ARHGAP42: variants seen among roughly 807,000 people sequenced by gnomAD.
ARHGAP42 encodes the protein rho GTPase-activating protein 42.
A neutral mutation model predicts 125.0 loss-of-function variants in ARHGAP42; 63 were observed. The ratio of observed to expected loss-of-function variants is 0.50; its 90% CI spans 0.41 to 0.62. The LOEUF (loss-of-function observed/expected upper bound fraction) is 0.62. Ranked by LOEUF, ARHGAP42 falls within the 20% of genes least tolerant of loss-of-function variation. ARHGAP42 has a pLI of 0.00. For synonymous variants in ARHGAP42, 339 were observed against 351.0 expected, an observed-to-expected ratio of 0.97 and a Z score of 0.38; for missense variants, 766 against 1,024.2, an observed-to-expected ratio of 0.75 and a Z score of 3.44.
chr11:100,962,833 G>A (rs530283270), intron 16 of ARHGAP42, among the ~76,000 whole-genome samples: 25 of 152,128 alleles, frequency 1.6e-4, no homozygotes, highest in Non-Finnish European at 3.1e-4. Context: ...TCGAGATCGC[G>A]CCATTGCACT....
intron 1 of ARHGAP42, among the ~76,000 whole-genome samples, chr11:100,766,387 A>C (rs1484633881): frequency 6.6e-6 from 1 of 152,184 alleles, no homozygotes; most frequent in Non-Finnish European, 1.5e-5. Context: ...TAAGAGAAAA[A>C]GTTGACTCTT....
chr11:100,954,296 C>T (rs1329295460), intron 12 of ARHGAP42, among the ~76,000 whole-genome samples: 1 of 152,198 alleles, frequency 6.6e-6, no homozygotes, highest in African/African-American at 2.4e-5. Flanking sequence ...ACCTACTCTA[C>T]TCCAGGTACT....
At position 100,990,064 on chromosome 11, in the gene ARHGAP42, T is replaced by C. The variant is rs1192032863; in HGVS notation, c.*1263T>C. 6.6e-6 allele frequency: 1 copy of C among 152,210 alleles called. No homozygotes were observed. The highest frequency in any genetic ancestry group is 2.4e-5 in the African/African-American group (1 of 41,460). 9.4% of individuals were successfully genotyped at this position (152,210 alleles called of 1,614,324 possible). On this transcript the variant is annotated 3_prime_UTR_variant, in exon 24 of 24. Transcript: ENST00000298815. ...TAGGTATTTACTGTCCACTTATATA[T>C]ATCAGCATCTGGTCATGCACGAACC... is the stretch of plus-strand genomic sequence containing the variant.
At chr11:100,750,300 T>G (rs1862414604) in intron 1 of ARHGAP42, among the ~76,000 whole-genome samples, 1 of 152,218 alleles carries the variant, frequency 6.6e-6, no homozygotes. Flanking sequence ...TTATTCCTGA[T>G]GCACGTGGCC....
intron 1 of ARHGAP42, among the ~76,000 whole-genome samples, chr11:100,718,844 A>G (rs1169931536): frequency 6.6e-6 from 1 of 152,174 alleles, no homozygotes; most frequent in Non-Finnish European, 1.5e-5. Flanking sequence ...TGTTTATGTA[A>G]TGGTTCAGTA....
At chr11:100,894,811 T>C (rs1441709660) in intron 4 of ARHGAP42, among the ~76,000 whole-genome samples, 1 of 152,176 alleles carries the variant, frequency 6.6e-6, no homozygotes, top group Admixed American at 6.5e-5. Flanking sequence ...AGTGCTAAGA[T>C]AGCTGTTGAA....
At chr11:100,826,033 G>A (rs1477664818) in intron 3 of ARHGAP42, among the ~76,000 whole-genome samples, 1 of 152,008 alleles carries the variant, frequency 6.6e-6, no homozygotes, top group South Asian at 2.1e-4. Context: ...GTGGGTAGAC[G>A]AGTTATTATT....
chr11:100,908,310 A>G (rs1290823149), intron 4 of ARHGAP42, among the ~76,000 whole-genome samples: 1 of 152,170 alleles, frequency 6.6e-6, no homozygotes. Context: ...CTCTTTTAAA[A>G]CAATAGTGTG....
intron 23 of ARHGAP42, among the ~76,000 whole-genome samples, chr11:100,988,351 A>G (rs1184228497): frequency 6.6e-6 from 1 of 152,184 alleles, no homozygotes; most frequent in Non-Finnish European, 1.5e-5. Context: ...TTTTGCATGC[A>G]CACTTTAACC....
intron 2 of ARHGAP42, among the ~76,000 whole-genome samples, chr11:100,777,749 T>A (rs1863165515): frequency 6.6e-6 from 1 of 152,218 alleles, no homozygotes; most frequent in Non-Finnish European, 1.5e-5. Flanking sequence ...AAAGACCTAT[T>A]TTCTTTTTTG....
At chr11:100,876,961 G>C (rs916264505) in intron 4 of ARHGAP42, among the ~76,000 whole-genome samples, 1 of 152,190 alleles carries the variant, frequency 6.6e-6, no homozygotes, top group Non-Finnish European at 1.5e-5. Context: ...GAGTTGGAGA[G>C]ATGACCTCTA....
In ARHGAP42 at chr11:100,875,129, G is replaced by A. The variant is rs1227387311; in HGVS notation, c.384+15504G>A. On this transcript the variant is annotated intron_variant, in intron 4 of 23. Transcript: ENST00000298815. ...TCTCTGTGTGTGTGTGTGTGTGTGT[G>A]TGTGTGTGTGTGTGTGTGTGTGTGG... Among the ~76,000 whole-genome samples the A allele has an allele frequency of 3.3e-5, 4 of 121,674 alleles. No homozygotes were observed. The South Asian group carries it at 6.9e-4, about 21-fold the overall frequency. The allele number at this position is 121,674 out of a possible 152,430, so 79.8% of individuals were successfully genotyped here. A position where few individuals can be genotyped will look rare whatever the true frequency, so the allele number is the denominator to read the frequency against.
intron 3 of ARHGAP42, among the ~76,000 whole-genome samples, chr11:100,846,239 C>A (rs976751658): frequency 3.3e-5 from 5 of 152,174 alleles, no homozygotes; most frequent in African/African-American, 1.2e-4. Flanking sequence ...AAAATCTTCT[C>A]TTTCTCCAAA....
chr11:100,731,361 G>A (rs1247656125), intron 1 of ARHGAP42, among the ~76,000 whole-genome samples: 1 of 152,130 alleles, frequency 6.6e-6, no homozygotes, highest in African/African-American at 2.4e-5. Context: ...GTTTCACCAT[G>A]TTGGCCAGGG....
At chr11:100,756,262 G>A (rs1862575833) in intron 1 of ARHGAP42, among the ~76,000 whole-genome samples, 2 of 151,012 alleles carry the variant, frequency 1.3e-5, no homozygotes, top group South Asian at 4.2e-4. Flanking sequence ...GCTGGGCATG[G>A]TGTCATATAT....
intron 3 of ARHGAP42, among the ~76,000 whole-genome samples, chr11:100,818,744 T>G (rs1864332517): frequency 6.6e-6 from 1 of 152,186 alleles, no homozygotes; most frequent in Non-Finnish European, 1.5e-5. Flanking sequence ...GTACGGTGTA[T>G]TTTTTCTCTG....
chr11:100,826,810 G>A (rs1274938458), intron 3 of ARHGAP42, among the ~76,000 whole-genome samples: 1 of 151,984 alleles, frequency 6.6e-6, no homozygotes, highest in African/African-American at 2.4e-5. Context: ...GCTCAGCTGG[G>A]AAAAATATTT....
chr11:100,751,772 C>CTTTTT (rs1862464825), intron 1 of ARHGAP42, among the ~76,000 whole-genome samples: 1 of 102,754 alleles, frequency 9.7e-6, no homozygotes, highest in Non-Finnish European at 2.2e-5. Context: ...CAGACAGGCA[C>CTTTTT]CTTTTTTTTT....
chr11:100,906,496 T>G (rs951405208), intron 4 of ARHGAP42, among the ~76,000 whole-genome samples: 4 of 152,202 alleles, frequency 2.6e-5, no homozygotes, highest in African/African-American at 9.6e-5. Flanking sequence ...CCATGTTTTT[T>G]AAACATTTTA....
Sources: allele counts gnomAD v4.1 joint callset (sites outside exome capture counted in the v4.1 genomes callset), GRCh38; gene constraint gnomAD v4.1.1; transcripts MANE v1.5; gene names NCBI Gene and HGNC (gene_info 2026-07-23, HGNC 2026-07-21).